The following TRPV4 variants were observed in gnomAD, a reference collection of about 807,000 sequenced individuals.
TRPV4 encodes the protein transient receptor potential cation channel subfamily V member 4.
Under a neutral mutation model 84.1 loss-of-function variants are expected in TRPV4, and 58 were observed. That is an observed-to-expected ratio of 0.69 (90% CI 0.56 to 0.86). The LOEUF is 0.86. Among genes scored for constraint, TRPV4 ranks in the 40% least tolerant of loss-of-function variants. The pLI is 0.00. For missense variants in TRPV4, 879 were observed against 1,181.1 expected (o/e 0.74, Z 3.75); for synonymous variants, 489 against 500.9 (o/e 0.98, Z 0.32).
At position 109,800,603 on chromosome 12, in the gene TRPV4, C is replaced by G; in HGVS notation, c.853+15G>C. The G allele has an allele frequency of 6.2e-7, 1 of 1,614,124 alleles. No individual in the cohort carries two copies. Among genetic ancestry groups the G allele is most frequent in the African/African-American group, 1.3e-5 (1 of 75,062 alleles). On this transcript the variant is annotated intron_variant, in intron 5 of 15. Transcript: ENST00000261740. ...TCTCCAGCATGCTGTCAGCCCCCAC[C>G]AGGCCCCTCCTTACCAAAGTAGAAG...
Position 109,814,931 on chromosome 12 carries a change from A to C in TRPV4, c.-31-104T>G. On this transcript the variant is annotated intron_variant, in intron 1 of 15. Transcript: ENST00000261740. The surrounding 1 kb of genome is among the most constrained non-coding windows in gnomAD (Gnocchi z 5.4). ...AGCAGCAGTGCTGCCAGCTGCTTCA[A>C]AGCCACCGTTGTAATGACAGGGGCA... 8.8e-7 allele frequency: 1 copy of C among 1,138,124 alleles called. No homozygotes were observed. The highest frequency in any genetic ancestry group is 1.2e-6 in the Non-Finnish European group (1 of 808,376). The allele number at this position is 1,138,124 out of a possible 1,614,324, so 70.5% of individuals were successfully genotyped here.
chr12:109,807,482 G>C (rs996642592), intron 3 of TRPV4, among the ~76,000 whole-genome samples: 2 of 150,398 alleles, frequency 1.3e-5, no homozygotes, highest in Middle Eastern at 3.2e-3. Context: ...CCAGGCTCAT[G>C]CAACCCTCCT....
At position 109,783,218 on chromosome 12, in the gene TRPV4, C is replaced by T; in HGVS notation, c.*403G>A. The T allele has an allele frequency of 5.2e-6, 1 of 191,932 alleles. No homozygotes were observed. The allele number at this position is 191,932 out of a possible 1,614,324, so 11.9% of individuals were successfully genotyped here. A position where few individuals can be genotyped will look rare whatever the true frequency, so the allele number is the denominator to read the frequency against. On this transcript the variant is annotated 3_prime_UTR_variant, in exon 16 of 16. Transcript: ENST00000261740. The surrounding 1 kb of genome is among the most constrained non-coding windows in gnomAD (Gnocchi z 4.6). ...TGCCACGCTGCCAAAAATGGTGGCGCATGCAGCTCAGGCGCAGGCTGAGGC... is the reference window on the plus strand; with the variant it reads ...TGCCACGCTGCCAAAAATGGTGGCGTATGCAGCTCAGGCGCAGGCTGAGGC...
chr12:109,814,861 C>A lies in TRPV4; in HGVS notation c.-31-34G>T. The A allele has an allele frequency of 1.3e-6, 2 of 1,529,996 alleles. No homozygotes were observed. 94.8% of individuals were successfully genotyped at this position (1,529,996 alleles called of 1,614,324 possible). ...GAATGAAAGGGGAGTCAGGCAGAAC[C>A]CGGCCAGGGGCGGGGGCTCCAGGAA... On this transcript the variant is annotated intron_variant, in intron 1 of 15. Coordinates refer to ENST00000261740, the MANE Select transcript of TRPV4 (RefSeq NM_021625.5). This position sits in a 1 kb window ranked among gnomAD's most constrained non-coding sequence, Gnocchi z 5.4.
At chr12:109,832,878 T>C (rs1291266609) in intron 1 of TRPV4, 1 of 143,672 alleles carries the variant, frequency 7.0e-6, no homozygotes, top group African/African-American at 2.6e-5. Flanking sequence ...TTTTCATGCC[T>C]CTTGGAGGAA....
Position 109,797,995 on chromosome 12 carries a change from T to G in TRPV4, c.1152+619A>C, listed in dbSNP as rs1011797830. ...GTGGTAGCGCCAGGGCTTGGACAGG[T>G]GCTCCTGCCTCTAGCATACTCCAGA... is the stretch of plus-strand genomic sequence containing the variant. On this transcript the variant is annotated intron_variant, in intron 6 of 15. Transcript: ENST00000261740. Among the ~76,000 whole-genome samples, 4 of 152,280 alleles carry G rather than the reference T, an allele frequency of 2.6e-5. No homozygotes were observed. The South Asian group carries it at 8.3e-4, about 32-fold the overall frequency.
chr12:109,805,128 A>C (rs10850783), intron 3 of TRPV4, among the ~76,000 whole-genome samples: 89,723 of 152,140 alleles, frequency 0.59, 27,308 homozygotes, highest in East Asian at 0.96. Context: ...TTGGTCAATG[A>C]TGGTCCTGTC....
At position 109,796,993 on chromosome 12, in the gene TRPV4, G is replaced by A. The variant is rs1026757330; in HGVS notation, c.1153-289C>T. 2.0e-5 allele frequency among the ~76,000 whole-genome samples: 3 copies of A among 152,150 alleles called. No individual in the cohort carries two copies. The highest frequency in any genetic ancestry group is 1.9e-4 in the East Asian group (1 of 5,196). On this transcript the variant is annotated intron_variant, in intron 6 of 15. Coordinates refer to ENST00000261740, the MANE Select transcript of TRPV4 (RefSeq NM_021625.5). The surrounding 1 kb of genome is among the most constrained non-coding windows in gnomAD (Gnocchi z 4.2). ...TTGTAATGAATATCTTCTTCATGCC[G>A]TTAAAATAGCAATGAATCCATCTTA...
rs753269027 is a variant in TRPV4, at chr12:109,783,699, G to A, written c.2538C>T (p.Asp846=). The change falls in exon 16 of 16, where the codon GAC becomes GAT. Residue 846 remains aspartate (D), a synonymous_variant. Coordinates refer to ENST00000261740, the MANE Select transcript of TRPV4 (RefSeq NM_021625.5). The surrounding 1 kb of genome is among the most constrained non-coding windows in gnomAD (Gnocchi z 4.6). ...CATCGCAGCGGGGGTTCCCCATGCT[G>A]TCCAGAGGCACCACCACCTCGTCCG... ...SNPDEVVVPL[D]SMGNPRCDGH... The A allele has an allele frequency of 2.5e-6, 4 of 1,613,834 alleles. No individual in the cohort carries two copies. The highest frequency in any genetic ancestry group is 3.4e-6 in the Non-Finnish European group (4 of 1,180,002).
In TRPV4 at chr12:109,788,697, GT is replaced by G; in HGVS notation, c.1910del (p.Asn637ThrfsTer6). ...GYASALVSLL[N>X]PCANMKVCNE... ...TGCACACCTTCATGTTGGCACACGGGTTCAGGAGGGAGACCAGGGCTGTGGG... is the reference window on the plus strand; with the variant it reads ...TGCACACCTTCATGTTGGCACACGGGTCAGGAGGGAGACCAGGGCTGTGGG... On this transcript the variant is annotated frameshift_variant, in exon 13 of 16. Coordinates refer to ENST00000261740, the MANE Select transcript of TRPV4 (RefSeq NM_021625.5). LOFTEE classifies it high-confidence loss of function. 1 of 1,614,184 alleles carries G rather than the reference GT, an allele frequency of 6.2e-7. No individual in the cohort carries two copies. Among genetic ancestry groups the G allele is most frequent in the South Asian group, 1.1e-5 (1 of 91,084 alleles).
At chr12:109,792,076 CA>C (rs527506694) in intron 12 of TRPV4, among the ~76,000 whole-genome samples, 147 of 135,730 alleles carry the variant, frequency 1.1e-3, no homozygotes, top group African/African-American at 1.3e-3. Flanking sequence ...ACTAAAAATA[CA>C]AAAAAAAAAA....
In TRPV4 at chr12:109,784,305, C is replaced by T. The variant is rs780193230; in HGVS notation, c.2458+11G>A. 7.4e-6 allele frequency: 12 copies of T among 1,614,148 alleles called. No individual in the cohort carries two copies. Among genetic ancestry groups the T allele is most frequent in the South Asian group, 2.2e-5 (2 of 91,068 alleles). On this transcript the variant is annotated intron_variant, in intron 15 of 15. Transcript: ENST00000261740. Reference sequence around the variant, plus strand: ...ACTGGGGCTCCCCTCCGCACCCGCCCCTCCACTCACCCCTGCGGAGGCGGC... The same window carrying T: ...ACTGGGGCTCCCCTCCGCACCCGCCTCTCCACTCACCCCTGCGGAGGCGGC...
chr12:109,827,713 T>C (rs1299120125), intron 1 of TRPV4, among the ~76,000 whole-genome samples: 1 of 151,668 alleles, frequency 6.6e-6, no homozygotes, highest in Non-Finnish European at 1.5e-5. Context: ...TACACATGTA[T>C]ATACATACAC....
chr12:109,827,552 A>AAC (rs79477384), intron 1 of TRPV4, among the ~76,000 whole-genome samples: 38,898 of 150,408 alleles, frequency 0.26, 5,951 homozygotes, highest in East Asian at 0.7. Context: ...ACCCTCCATA[A>AAC]ACACACACAC....
chr12:109,832,644 C>A (rs76088085), intron 1 of TRPV4: 19,212 of 153,148 alleles, frequency 0.13, 1,463 homozygotes, highest in Admixed American at 0.18. Context: ...CCGACCTAAG[C>A]CTCAGTTTCC....
intron 12 of TRPV4, among the ~76,000 whole-genome samples, chr12:109,789,753 A>G (rs1212623479): frequency 1.3e-5 from 2 of 152,190 alleles, no homozygotes; most frequent in African/African-American, 4.8e-5. Context: ...CTCATATGCT[A>G]ATGTTCTTCA....
chr12:109,800,842 C>G, intron 4 of TRPV4, 84 bp from the exon 5 acceptor site: 2 of 850,926 alleles, frequency 2.4e-6, no homozygotes, highest in South Asian at 2.5e-5. Flanking sequence ...GGGTGCAGGA[C>G]GTAGAAATTG....
At chr12:109,797,102 C>T (rs924625680) in intron 6 of TRPV4, among the ~76,000 whole-genome samples, 8 of 152,134 alleles carry the variant, frequency 5.3e-5, no homozygotes, top group African/African-American at 1.7e-4. Flanking sequence ...CACAGGGAAG[C>T]GGAGGCACAG....
In TRPV4 at chr12:109,796,821, C is replaced by A; in HGVS notation, c.1153-117G>T. ...AGCTAAGCACCGGCTGCTGGAGGAC[C>A]CTTTCCTCATCTTGTTTAATTCTTG... On this transcript the variant is annotated intron_variant, in intron 6 of 15. Transcript: ENST00000261740. This position sits in a 1 kb window ranked among gnomAD's most constrained non-coding sequence, Gnocchi z 4.2. The A allele has an allele frequency of 3.9e-6, 4 of 1,025,836 alleles. No individual in the cohort carries two copies. The highest frequency in any genetic ancestry group is 4.2e-6 in the Non-Finnish European group (3 of 721,164). 63.5% of individuals were successfully genotyped at this position (1,025,836 alleles called of 1,614,324 possible).
Sources: allele counts gnomAD v4.1 joint callset (sites outside exome capture counted in the v4.1 genomes callset), GRCh38; gene constraint gnomAD v4.1.1; non-coding constraint Gnocchi (gnomAD v3.1); transcripts MANE v1.5; gene names NCBI Gene and HGNC (gene_info 2026-07-23, HGNC 2026-07-21).